ESRRB: variants seen among roughly 807,000 people sequenced by gnomAD.
ESRRB encodes the protein steroid hormone receptor ERR2.
In ESRRB, 16 loss-of-function variants were observed where a neutral mutation model predicts 46.0. The observed-to-expected ratio is 0.35, with a 90% CI of 0.24 to 0.53. The LOEUF (loss-of-function observed/expected upper bound fraction) is 0.53. Ranked by LOEUF, ESRRB falls within the 20% of genes least tolerant of loss-of-function variation. The pLI is 0.93. For synonymous variants in ESRRB, 246 were observed against 259.6 expected (o/e 0.95, Z 0.50); for missense variants, 488 against 607.4 (o/e 0.80, Z 2.07).
chr14:76,498,873 G>A lies in ESRRB; in HGVS notation c.*415G>A, dbSNP rs778080369. On this transcript the variant is annotated 3_prime_UTR_variant, in exon 7 of 7. Coordinates refer to ENST00000644823, the MANE Select transcript of ESRRB (RefSeq NM_001379180.1). ...TGTGGCCTGGGTGGGCACTGCTCAG[G>A]CTGGATACCACCTGGAGGTTTTCCT... 7 of 539,894 alleles carry A rather than the reference G, an allele frequency of 1.3e-5. No individual in the cohort carries two copies. In the Admixed American group the frequency reaches 1.4e-4, roughly 10 times the overall value. 33.4% of individuals were successfully genotyped at this position (539,894 alleles called of 1,614,324 possible). A position where few individuals can be genotyped will look rare whatever the true frequency, so the allele number is the denominator to read the frequency against.
At chr14:76,331,412 C>G (rs551483169) in intron 1 of ESRRB, among the ~76,000 whole-genome samples, 5 of 152,188 alleles carry the variant, frequency 3.3e-5, no homozygotes, top group African/African-American at 1.2e-4. Flanking sequence ...TGAACTAACA[C>G]GGGTGGCATG....
At chr14:76,436,897 G>A (rs1887697722) in intron 1 of ESRRB, among the ~76,000 whole-genome samples, 1 of 152,188 alleles carries the variant, frequency 6.6e-6, no homozygotes, top group Non-Finnish European at 1.5e-5. Flanking sequence ...TTGGGAGTTG[G>A]TGAACTTCTG....
intron 1 of ESRRB, among the ~76,000 whole-genome samples, chr14:76,413,422 A>G (rs1406107496): frequency 1.3e-5 from 2 of 152,158 alleles, no homozygotes; most frequent in Non-Finnish European, 2.9e-5. Context: ...TGACTTGCAC[A>G]TACTGGTCCC....
chr14:76,313,192 C>T (rs1026077184), intron 1 of ESRRB, among the ~76,000 whole-genome samples: 14 of 152,090 alleles, frequency 9.2e-5, no homozygotes, highest in African/African-American at 3.4e-4. Context: ...TTTGGCCCAT[C>T]GGGCTTAGTT....
At chr14:76,316,014 C>T (rs562694552) in intron 1 of ESRRB, among the ~76,000 whole-genome samples, 6 of 152,198 alleles carry the variant, frequency 3.9e-5, no homozygotes, top group Non-Finnish European at 7.3e-5. Flanking sequence ...TGCTGCACCC[C>T]CTCCACCCCA....
rs568487270 is a variant in ESRRB at position 76,376,260 on chromosome 14, C to G, written c.-142C>G. On this transcript the variant is annotated 5_prime_UTR_variant, in exon 1 of 7. Transcript: ENST00000644823. This position sits in a 1 kb window ranked among gnomAD's most constrained non-coding sequence, Gnocchi z 4.1. ...GGCTCTCTGCCTCCCTCTCCCCCGCCGCGGCCGCCTCCTCCCACTCTGCGT... is the reference window on the plus strand; with the variant it reads ...GGCTCTCTGCCTCCCTCTCCCCCGCGGCGGCCGCCTCCTCCCACTCTGCGT... 1.0e-5 allele frequency: 5 copies of G among 498,160 alleles called. No homozygotes were observed. Among genetic ancestry groups the G allele is most frequent in the Non-Finnish European group, 1.6e-5 (5 of 317,988 alleles). The allele number at this position is 498,160 out of a possible 1,614,324, so 30.9% of individuals were successfully genotyped here. A position where few individuals can be genotyped will look rare whatever the true frequency, so the allele number is the denominator to read the frequency against.
At chr14:76,317,314 G>T (rs1883813667) in intron 1 of ESRRB, among the ~76,000 whole-genome samples, 1 of 104,812 alleles carries the variant, frequency 9.5e-6, no homozygotes, top group Middle Eastern at 5.4e-3. Flanking sequence ...TAGGCTCTGT[G>T]TGTGTGTGTG....
At chr14:76,437,745 A>G (rs1314786820) in intron 1 of ESRRB, among the ~76,000 whole-genome samples, 3 of 152,204 alleles carry the variant, frequency 2.0e-5, no homozygotes. Flanking sequence ...GTTTCCCTGA[A>G]CACACACCTT....
At position 76,345,699 on chromosome 14, in the gene ESRRB, A is replaced by C. The variant is rs182427923; in HGVS notation, c.2+34783A>C. Among the ~76,000 whole-genome samples, 9 of 152,312 alleles carry C rather than the reference A, an allele frequency of 5.9e-5. No individual in the cohort carries two copies. In the East Asian group the frequency reaches 1.7e-3, roughly 29 times the overall value. On this transcript the variant is annotated intron_variant, in intron 1 of 6. Coordinates refer to the ESRRB transcript ENST00000512784. ...CCAGCAGTCCCACTACTGGGTATCC[A>C]CCCAGAGGAAAAGTGTTGTGCTTTT...
chr14:76,379,795 C>A (rs12588179), intron 1 of ESRRB, among the ~76,000 whole-genome samples: 32,202 of 149,898 alleles, frequency 0.21, 3,714 homozygotes, highest in South Asian at 0.27. Flanking sequence ...TTCCCCCAAC[C>A]CTTTTCATTT....
At chr14:76,497,925 G>A (rs943961797) in intron 6 of ESRRB, among the ~76,000 whole-genome samples, 1 of 150,504 alleles carries the variant, frequency 6.6e-6, no homozygotes, top group East Asian at 2.0e-4. Flanking sequence ...CACACAGCCT[G>A]CAAGTAAGGG....
intron 1 of ESRRB, among the ~76,000 whole-genome samples, chr14:76,346,694 C>A (rs933366331): frequency 2.6e-5 from 4 of 152,196 alleles, no homozygotes; most frequent in Non-Finnish European, 5.9e-5. Context: ...GCTGCTCCCC[C>A]ACATGCCCAG....
At chr14:76,377,884 C>T (rs1884844581) in intron 1 of ESRRB, among the ~76,000 whole-genome samples, 1 of 152,200 alleles carries the variant, frequency 6.6e-6, no homozygotes, top group Admixed American at 6.5e-5. Context: ...CACCCTGGGG[C>T]AGAGGGCCTT....
chr14:76,335,284 C>G (rs75357641), intron 1 of ESRRB, among the ~76,000 whole-genome samples: 11,244 of 152,222 alleles, frequency 0.074, 538 homozygotes, highest in South Asian at 0.13. Flanking sequence ...TCTGACCAAC[C>G]CTCTGTTCAT....
chr14:76,314,851 C>T (rs1049080717), intron 1 of ESRRB, among the ~76,000 whole-genome samples: 7 of 152,010 alleles, frequency 4.6e-5, no homozygotes, highest in Non-Finnish European at 8.8e-5. Flanking sequence ...CCGAAACAGG[C>T]CCTGGCTCCC....
intron 2 of ESRRB, among the ~76,000 whole-genome samples, chr14:76,449,767 T>TG (rs1055904383): frequency 1.3e-5 from 2 of 149,470 alleles, no homozygotes; most frequent in African/African-American, 5.0e-5. Context: ...TTTCCTTTTT[T>TG]TTTTTTTTTT....
chr14:76,328,803 G>A (rs531187935), intron 1 of ESRRB, among the ~76,000 whole-genome samples: 4 of 152,192 alleles, frequency 2.6e-5, no homozygotes, highest in Admixed American at 6.5e-5. Context: ...TCTGTGCCCC[G>A]TCTGCAGTAG....
chr14:76,326,903 A>G (rs1883936476), intron 1 of ESRRB, among the ~76,000 whole-genome samples: 1 of 152,244 alleles, frequency 6.6e-6, no homozygotes, highest in Non-Finnish European at 1.5e-5. Flanking sequence ...CAGGGTGCAT[A>G]GGCCACCATC....
At chr14:76,416,312 T>A (rs1886698020) in intron 1 of ESRRB, among the ~76,000 whole-genome samples, 1 of 151,924 alleles carries the variant, frequency 6.6e-6, no homozygotes. Context: ...ATTTTGTATT[T>A]TTGTAGAGAT....
Sources: gnomAD v4.1 joint callset for allele counts (sites outside exome capture counted in the v4.1 genomes callset) on GRCh38, gnomAD v4.1.1 for gene constraint, Gnocchi (gnomAD v3.1) non-coding constraint, MANE v1.5 for transcripts, NCBI Gene and HGNC (gene_info 2026-07-23, HGNC 2026-07-21) for gene names.